Variants in DCAF5 observed in about 807,000 individuals in gnomAD.
DCAF5 encodes DDB1- and CUL4-associated factor 5.
In DCAF5, 9 loss-of-function variants were observed where a neutral mutation model predicts 80.7. The observed-to-expected ratio is 0.11, with a 90% confidence interval of 0.07 to 0.19. The LOEUF is 0.19. Among genes scored for constraint, DCAF5 ranks in the 10% least tolerant of loss-of-function variants. The pLI is 1.00. For synonymous variants in DCAF5, 433 were observed against 461.9 expected (o/e 0.94, Z 0.80); for missense variants, 842 against 1,205.7 (o/e 0.70, Z 4.47).
intron 7 of DCAF5, among the ~76,000 whole-genome samples, chr14:69,072,231 A>G (rs1262900170): frequency 2.0e-5 from 3 of 152,240 alleles, no homozygotes; most frequent in African/African-American, 7.2e-5. Context: ...AATGTCTAAT[A>G]TTGAAAATCC....
Position 69,075,449 on chromosome 14 carries a change from T to C in DCAF5, c.880-38A>G, listed in dbSNP as rs115816313. 1,293 of 1,286,466 alleles carry C rather than the reference T, an allele frequency of 1.0e-3. 14 individuals carry two copies. In the African/African-American group the frequency reaches 0.018, roughly 18 times the overall value. 79.7% of individuals were successfully genotyped at this position (1,286,466 alleles called of 1,614,324 possible). On this transcript the variant is annotated intron_variant, in intron 6 of 8. Coordinates refer to ENST00000341516, the MANE Select transcript of DCAF5 (RefSeq NM_003861.3). ...AAAATATATAGATAACATTATATAT[T>C]ATAATATAGAATAAATACAATATGT...
chr14:69,069,205 C>T (rs935130507), intron 7 of DCAF5, among the ~76,000 whole-genome samples: 3 of 152,180 alleles, frequency 2.0e-5, no homozygotes, highest in Non-Finnish European at 4.4e-5. Flanking sequence ...AATGCATTTA[C>T]AGCTGTTTCC....
At position 69,151,920 on chromosome 14, in the gene DCAF5, G is replaced by A. The variant is rs548956850; in HGVS notation, c.214+845C>T. On this transcript the variant is annotated intron_variant, in intron 1 of 8. Coordinates refer to ENST00000341516, the MANE Select transcript of DCAF5 (RefSeq NM_003861.3). ...CAGAGGGAGAGCCCGGGGGCAACCA[G>A]GCCCGTCTGGGCGAGAGGGAGGAGA... 5.3e-5 allele frequency among the ~76,000 whole-genome samples: 8 copies of A among 152,330 alleles called. No individual in the cohort carries two copies. The South Asian group carries it at 1.2e-3, about 24-fold the overall frequency.
intron 1 of DCAF5, among the ~76,000 whole-genome samples, chr14:69,148,686 C>T (rs2041617411): frequency 6.6e-6 from 1 of 152,082 alleles, no homozygotes. Context: ...CAGAGCAAGA[C>T]TCCATTGCCC....
intron 6 of DCAF5, 51 bp downstream of exon 6, chr14:69,091,619 GAACA>G: frequency 6.7e-7 from 1 of 1,498,980 alleles, no homozygotes; most frequent in Non-Finnish European, 9.2e-7. Flanking sequence ...AGTATAGAAA[GAACA>G]ATCAGAAAGA....
At chr14:69,116,775 C>T (rs1219552211) in intron 4 of DCAF5, among the ~76,000 whole-genome samples, 1 of 152,024 alleles carries the variant, frequency 6.6e-6, no homozygotes, top group Non-Finnish European at 1.5e-5. Flanking sequence ...GAAACGGCCA[C>T]TAAAAATGGG....
At chr14:69,098,893 C>CAAAAAAAAAAAA (rs57089112) in intron 5 of DCAF5, among the ~76,000 whole-genome samples, 2 of 59,578 alleles carry the variant, frequency 3.4e-5, no homozygotes, top group African/African-American at 6.9e-5. Context: ...ACTCTGTCTC[C>CAAAAAAAAAAAA]AAAAAAAAAA....
At chr14:69,104,660 A>G (rs1020670169) in intron 5 of DCAF5, among the ~76,000 whole-genome samples, 6 of 152,162 alleles carry the variant, frequency 3.9e-5, no homozygotes, top group African/African-American at 1.4e-4. Flanking sequence ...ATTCAAGACC[A>G]GCCTGGCCAA....
intron 2 of DCAF5, among the ~76,000 whole-genome samples, chr14:69,119,440 C>T (rs2040641127): frequency 6.7e-6 from 1 of 149,586 alleles, no homozygotes; most frequent in Non-Finnish European, 1.5e-5. Flanking sequence ...TAATGGCATC[C>T]AAGTATAACA....
rs1027292161 is a variant in DCAF5 at position 69,062,733 on chromosome 14, T to C, written c.947-222A>G. On this transcript the variant is annotated intron_variant, in intron 7 of 8. Transcript: ENST00000341516. ...AGAGCCTTTATTTAGCCTTTAAGCATTGCCCACACTCACCCACTGCAATTC... is the reference window on the plus strand; with the variant it reads ...AGAGCCTTTATTTAGCCTTTAAGCACTGCCCACACTCACCCACTGCAATTC... Among the ~76,000 whole-genome samples the C allele has an allele frequency of 3.3e-5, 5 of 152,294 alleles. No individual in the cohort carries two copies. In the South Asian group the frequency reaches 8.3e-4, roughly 25 times the overall value.
At chr14:69,146,217 G>A (rs2140125506) in intron 1 of DCAF5, among the ~76,000 whole-genome samples, 1 of 152,312 alleles carries the variant, frequency 6.6e-6, no homozygotes, top group East Asian at 1.9e-4. Context: ...AATTAAAAAT[G>A]ATCCTTTGAA....
chr14:69,123,463 T>TAAA (rs1053881434), intron 1 of DCAF5, among the ~76,000 whole-genome samples: 1 of 152,240 alleles, frequency 6.6e-6, no homozygotes, highest in Non-Finnish European at 1.5e-5. Context: ...AAGCTGTTTA[T>TAAA]AGTGCCAACT....
In DCAF5 at chr14:69,091,736, T is replaced by C; in HGVS notation, c.817A>G (p.Asn273Asp). The change falls in exon 6 of 9, where the codon AAT becomes GAT. Residue 273 changes from asparagine to aspartate, a missense_variant. Around this residue, in one of 5 missense-constraint regions of DCAF5, gnomAD observed 142 missense variants for 311.9 expected, o/e 0.46. Coordinates refer to ENST00000341516, the MANE Select transcript of DCAF5 (RefSeq NM_003861.3). ...GTGCATGAGTTGAAGTAACCCTGAT[T>C]GTCAAACTGAAACACAGGCAGGCGG... ...HSRLPVFQFD[N>D]QGYFNSCTMK... 3 of 1,614,152 alleles carry C rather than the reference T, an allele frequency of 1.9e-6. No individual in the cohort carries two copies. The highest frequency in any genetic ancestry group is 2.5e-6 in the Non-Finnish European group (3 of 1,180,008).
In DCAF5 at chr14:69,055,654, A is replaced by C. The variant is rs142263137; in HGVS notation, c.1075-43T>G. On this transcript the variant is annotated intron_variant, in intron 8 of 8. Coordinates refer to ENST00000341516, the MANE Select transcript of DCAF5 (RefSeq NM_003861.3). The surrounding 1 kb of genome is among the most constrained non-coding windows in gnomAD (Gnocchi z 5.6). ...AACAAAAGCAACAAGGAGTAACTGG[A>C]AAGTATTCTTTCACTGGTGGTGATA... 5.4e-4 allele frequency: 832 copies of C among 1,549,428 alleles called. No individual in the cohort carries two copies. Among genetic ancestry groups the C allele is most frequent in the Non-Finnish European group, 7.1e-4 (805 of 1,140,760 alleles).
Position 69,055,287 on chromosome 14 carries a change from G to T in DCAF5, c.1399C>A (p.Arg467Ser). 1 of 1,614,210 alleles carries T rather than the reference G, an allele frequency of 6.2e-7. No individual in the cohort carries two copies. The highest frequency in any genetic ancestry group is 8.5e-7 in the Non-Finnish European group (1 of 1,180,032). ...TCATCTACTGTGGGAGGCGGGGAGC[G>T]AGGCAATGAGGCCGAAGACTCTGAG... ...TDSESSASLP[R>S]SPPPTVDESA... The change falls in exon 9 of 9, where the codon CGC becomes AGC. Residue 467 changes from arginine (R) to serine (S), a missense_variant. Transcript: ENST00000341516. The surrounding 1 kb of genome is among the most constrained non-coding windows in gnomAD (Gnocchi z 5.6).
In DCAF5 at chr14:69,145,923, C is replaced by T. The variant is rs1381026561; in HGVS notation, c.214+6842G>A. Among the ~76,000 whole-genome samples the T allele has an allele frequency of 3.9e-5, 6 of 152,314 alleles. No homozygotes were observed. In the South Asian group the frequency reaches 8.3e-4, roughly 21 times the overall value. On this transcript the variant is annotated intron_variant, in intron 1 of 8. Coordinates refer to ENST00000341516, the MANE Select transcript of DCAF5 (RefSeq NM_003861.3). Reference sequence around the variant, plus strand: ...GGAAGTGCTCTTATAAACTTATGCTCTCTTTGCCTTGATCAATGCATGAGA... The same window carrying T: ...GGAAGTGCTCTTATAAACTTATGCTTTCTTTGCCTTGATCAATGCATGAGA...
intron 8 of DCAF5, among the ~76,000 whole-genome samples, chr14:69,060,841 T>C (rs1170325269): frequency 6.6e-6 from 1 of 152,048 alleles, no homozygotes; most frequent in Non-Finnish European, 1.5e-5. Flanking sequence ...CTCAATATTT[T>C]ATTTCTGACA....
intron 5 of DCAF5, among the ~76,000 whole-genome samples, chr14:69,104,503 T>C (rs2040066160): frequency 6.6e-6 from 1 of 152,078 alleles, no homozygotes; most frequent in Non-Finnish European, 1.5e-5. Flanking sequence ...TAAGCTAGAA[T>C]ATAAGAAATT....
chr14:69,105,945 A>ATATATATATATATATATATC, intron 5 of DCAF5, among the ~76,000 whole-genome samples: 2 of 66,624 alleles, frequency 3.0e-5, no homozygotes, highest in Non-Finnish European at 4.4e-5. Context: ...ATATATATAT[A>ATATATATATATATATATATC]TCTCCTATTG....
Sources: allele counts gnomAD v4.1 joint callset (sites outside exome capture counted in the v4.1 genomes callset), GRCh38; gene constraint gnomAD v4.1.1; regional missense constraint gnomAD v4.1.1; non-coding constraint Gnocchi (gnomAD v3.1); transcripts MANE v1.5; gene names NCBI Gene and HGNC (gene_info 2026-07-23, HGNC 2026-07-21).